The following MARCHF8 variants were observed in gnomAD, a reference collection of about 807,000 sequenced individuals.
MARCHF8 encodes E3 ubiquitin-protein ligase MARCHF8.
MARCHF8 carries 40 observed loss-of-function variants against 51.6 expected under a neutral mutation model. That is an observed-to-expected ratio of 0.77 (90% confidence interval 0.60 to 1.01). The LOEUF is 1.01. Among genes scored for constraint, MARCHF8 ranks in the 50% least tolerant of loss-of-function variants. The pLI is 0.00. For missense variants in MARCHF8, 685 were observed against 708.6 expected, an observed-to-expected ratio of 0.97 and a Z score of 0.38; for synonymous variants, 263 against 280.3, an observed-to-expected ratio of 0.94 and a Z score of 0.62.
chr10:45,556,885 A>T (rs1589174892), intron 1 of MARCHF8, among the ~76,000 whole-genome samples: 1 of 152,304 alleles, frequency 6.6e-6, no homozygotes, highest in Non-Finnish European at 1.5e-5. Flanking sequence ...AAGACAAAAA[A>T]TCCAAAACCC....
At chr10:45,485,521 G>C (rs987243582) in intron 3 of MARCHF8, among the ~76,000 whole-genome samples, 2 of 152,100 alleles carry the variant, frequency 1.3e-5, no homozygotes, top group African/African-American at 2.4e-5. Flanking sequence ...ACTTTGAAGA[G>C]AGGCAAGCCA....
chr10:45,465,481 G>A (rs1169322814), intron 3 of MARCHF8, among the ~76,000 whole-genome samples: 1 of 152,168 alleles, frequency 6.6e-6, no homozygotes, highest in Non-Finnish European at 1.5e-5. Flanking sequence ...CCCCAAGGGT[G>A]CACTCTCATC....
chr10:45,468,074 GTTTAT>G (rs1843029319), intron 3 of MARCHF8, among the ~76,000 whole-genome samples: 1 of 152,042 alleles, frequency 6.6e-6, no homozygotes, highest in South Asian at 2.1e-4. Context: ...CTAAATCCCA[GTTTAT>G]TTTATTTCTT....
chr10:45,548,767 G>A (rs890537745), intron 1 of MARCHF8, among the ~76,000 whole-genome samples: 2 of 152,066 alleles, frequency 1.3e-5, no homozygotes, highest in African/African-American at 4.8e-5. Flanking sequence ...AGGCCGAGGC[G>A]GTGGATCGCC....
intron 1 of MARCHF8, chr10:45,594,179 T>C (rs770693049): frequency 2.0e-5 from 3 of 152,202 alleles, no homozygotes; most frequent in South Asian, 4.1e-4. Flanking sequence ...TCGTTTAAGA[T>C]GAAAACAGAT....
intron 1 of MARCHF8, among the ~76,000 whole-genome samples, chr10:45,574,147 A>G (rs1300543018): frequency 2.0e-5 from 3 of 151,962 alleles, no homozygotes; most frequent in Non-Finnish European, 4.4e-5. Context: ...TGCACCTCTT[A>G]CCATCCCATT....
At chr10:45,509,891 G>T (rs2043462671) in intron 2 of MARCHF8, among the ~76,000 whole-genome samples, 1 of 152,170 alleles carries the variant, frequency 6.6e-6, no homozygotes, top group African/African-American at 2.4e-5. Context: ...TCCAATCTGA[G>T]ATTCCTAAAG....
intron 2 of MARCHF8, among the ~76,000 whole-genome samples, chr10:45,505,319 A>G (rs548220741): frequency 6.6e-6 from 1 of 152,342 alleles, no homozygotes; most frequent in South Asian, 2.1e-4. Flanking sequence ...CTATCCTAAA[A>G]CAATCCCTGT....
At chr10:45,543,122 T>C (rs947813431) in intron 1 of MARCHF8, among the ~76,000 whole-genome samples, 3 of 152,260 alleles carry the variant, frequency 2.0e-5, no homozygotes, top group African/African-American at 7.2e-5. Context: ...CCTCATGTTA[T>C]TTGACTTGAT....
At chr10:45,500,043 A>G (rs2043250757) in intron 2 of MARCHF8, among the ~76,000 whole-genome samples, 1 of 152,062 alleles carries the variant, frequency 6.6e-6, no homozygotes, top group Admixed American at 6.5e-5. Flanking sequence ...CATCTTAACA[A>G]TATTAAGTTT....
At chr10:45,576,670 C>T (rs1160349514) in intron 1 of MARCHF8, among the ~76,000 whole-genome samples, 3 of 151,802 alleles carry the variant, frequency 2.0e-5, no homozygotes, top group Non-Finnish European at 4.4e-5. Context: ...GCCTGTAATC[C>T]TAGCACTCTG....
exon 1 of MARCHF8, chr10:45,594,710 C>G (rs1171394151): frequency 2.6e-5 from 4 of 151,584 alleles, no homozygotes; most frequent in Non-Finnish European, 5.9e-5. Flanking sequence ...TATTGGCGGC[C>G]AGCGGCGGCG....
intron 2 of MARCHF8, among the ~76,000 whole-genome samples, chr10:45,504,043 G>A (rs2043333258): frequency 6.6e-6 from 1 of 152,170 alleles, no homozygotes; most frequent in African/African-American, 2.4e-5. Context: ...TTCTGGACTG[G>A]CACAGTGGTG....
intron 2 of MARCHF8, among the ~76,000 whole-genome samples, chr10:45,516,670 A>G (rs2043624062): frequency 6.6e-6 from 1 of 152,208 alleles, no homozygotes; most frequent in African/African-American, 2.4e-5. Flanking sequence ...AAGTTGATGC[A>G]GGAGAATCGC....
At chr10:45,558,262 C>G (rs966458102) in intron 1 of MARCHF8, among the ~76,000 whole-genome samples, 4 of 152,090 alleles carry the variant, frequency 2.6e-5, no homozygotes, top group African/African-American at 9.7e-5. Flanking sequence ...CTAGAAATCT[C>G]CAGGGGGCAG....
chr10:45,516,435 C>G (rs980098098), intron 2 of MARCHF8, among the ~76,000 whole-genome samples: 1 of 152,072 alleles, frequency 6.6e-6, no homozygotes, highest in Non-Finnish European at 1.5e-5. Flanking sequence ...TAGGTGTGAG[C>G]CACTGTGCCT....
chr10:45,537,509 C>T (rs2043989631), upstream of MARCHF8, among the ~76,000 whole-genome samples: 2 of 151,836 alleles, frequency 1.3e-5, no homozygotes, highest in Admixed American at 1.3e-4. Context: ...AAAACTTAGC[C>T]GGGTGTGGTG....
At chr10:45,488,052 A>G (rs942219388) in intron 3 of MARCHF8, among the ~76,000 whole-genome samples, 1 of 152,144 alleles carries the variant, frequency 6.6e-6, no homozygotes. Flanking sequence ...ACTGCCTGGA[A>G]GCAAGCTCAC....
At chr10:45,494,028 T>C (rs1264807146) in intron 2 of MARCHF8, among the ~76,000 whole-genome samples, 1 of 152,230 alleles carries the variant, frequency 6.6e-6, no homozygotes, top group Admixed American at 6.5e-5. Context: ...GAGCCCACAA[T>C]TGAGTTAATA....
Sources: allele counts gnomAD v4.1 joint callset (sites outside exome capture counted in the v4.1 genomes callset), GRCh38; gene constraint gnomAD v4.1.1; transcripts MANE v1.5; gene names NCBI Gene and HGNC (gene_info 2026-07-23, HGNC 2026-07-21).